Variants in HMGXB3 observed in about 807,000 individuals in gnomAD.
The protein encoded by HMGXB3 is HMG-box containing 3.
A neutral mutation model predicts 121.5 loss-of-function variants in HMGXB3; 45 were observed. That is an observed-to-expected ratio of 0.37 (90% CI 0.29 to 0.47). The LOEUF is 0.47. Ranked by LOEUF, HMGXB3 falls within the 20% of genes least tolerant of loss-of-function variation. HMGXB3 has a pLI of 0.99. For missense variants in HMGXB3, 1,376 were observed against 1,602.2 expected (o/e 0.86, Z 2.41); for synonymous variants, 590 against 624.1 (o/e 0.95, Z 0.81).
In HMGXB3 at chr5:150,053,009, G is replaced by C. The variant is rs1247737140; in HGVS notation, c.*817G>C. The C allele has an allele frequency of 6.1e-6, 1 of 163,530 alleles. No homozygotes were observed. Among genetic ancestry groups the C allele is most frequent in the Non-Finnish European group, 1.3e-5 (1 of 74,516 alleles). The allele number at this position is 163,530 out of a possible 1,614,324, so 10.1% of individuals were successfully genotyped here. On this transcript the variant is annotated 3_prime_UTR_variant, in exon 20 of 20. Coordinates refer to ENST00000502717, the MANE Select transcript of HMGXB3 (RefSeq NM_014983.3). ...GGGCCATAAGGAAACAGCAGGACTG[G>C]CTCAAGTGCCCAAGGTTTGTTTAGG...
At chr5:150,025,124 G>C (rs1457346864) in intron 7 of HMGXB3, among the ~76,000 whole-genome samples, 1 of 152,134 alleles carries the variant, frequency 6.6e-6, no homozygotes, top group Non-Finnish European at 1.5e-5. Flanking sequence ...CTTCACCTCA[G>C]TTCTCTCCTC....
chr5:150,037,615 C>T, intron 13 of HMGXB3, 88 bp downstream of exon 13: 1 of 1,181,084 alleles, frequency 8.5e-7, no homozygotes, highest in African/African-American at 1.6e-5. Context: ...CCTTTGAGGA[C>T]TGGGCCTTCT....
chr5:150,027,841 C>T (rs1756270349), intron 9 of HMGXB3, among the ~76,000 whole-genome samples: 1 of 152,190 alleles, frequency 6.6e-6, no homozygotes, highest in Admixed American at 6.5e-5. Flanking sequence ...GGGTGAGCCA[C>T]CACGCCTGGC....
rs554441183 is a variant in HMGXB3, at chr5:150,032,446, T to A, written c.1834-8T>A. 9.0e-5 allele frequency: 139 copies of A among 1,550,740 alleles called. 3 individuals carry two copies. In the South Asian group the frequency reaches 1.3e-3, roughly 15 times the overall value. On this transcript the variant is annotated splice_polypyrimidine_tract_variant and splice_region_variant and intron_variant, in intron 10 of 19. Transcript: ENST00000502717. ...TTGTAGAATTGAACACTGGTCTTAC[T>A]TTTTTAGGATTTGGGCCTGGCTACA...
intron 6 of HMGXB3, among the ~76,000 whole-genome samples, chr5:150,020,943 A>G (rs1756077525): frequency 6.6e-6 from 1 of 152,018 alleles, no homozygotes; most frequent in Admixed American, 6.6e-5. Context: ...GGATTTCACC[A>G]TGTTGGCCAG....
At position 150,049,575 on chromosome 5, in the gene HMGXB3, C is replaced by T. The variant is rs74627064; in HGVS notation, c.3202-677C>T. On this transcript the variant is annotated intron_variant, in intron 18 of 19. Transcript: ENST00000502717. ...AGATGCTTAATGCTTCTACTCTGGGCAGATCAGAGCCTGCTCAGGGAATTG... is the reference window on the plus strand; with the variant it reads ...AGATGCTTAATGCTTCTACTCTGGGTAGATCAGAGCCTGCTCAGGGAATTG... Among the ~76,000 whole-genome samples the T allele has an allele frequency of 6.6e-3, 998 of 152,310 alleles. 14 individuals carry two copies. The highest frequency in any genetic ancestry group is 0.023 in the African/African-American group (948 of 41,564).
At chr5:150,001,444 C>A (rs1399339943) in intron 1 of HMGXB3, among the ~76,000 whole-genome samples, 2 of 152,194 alleles carry the variant, frequency 1.3e-5, no homozygotes, top group Non-Finnish European at 2.9e-5. Flanking sequence ...TGGCTGAGCC[C>A]TCAAAGGCAA....
At chr5:150,005,202 T>A (rs1755667393) in intron 2 of HMGXB3, among the ~76,000 whole-genome samples, 1 of 152,256 alleles carries the variant, frequency 6.6e-6, no homozygotes, top group African/African-American at 2.4e-5. Flanking sequence ...CAGGAAATTG[T>A]ACCATACTGA....
chr5:150,023,258 G>A (rs1756144287), intron 6 of HMGXB3, among the ~76,000 whole-genome samples: 1 of 152,134 alleles, frequency 6.6e-6, no homozygotes, highest in Admixed American at 6.5e-5. Context: ...TAAACTTTCT[G>A]TAATGTGCAG....
intron 15 of HMGXB3, 107 bp downstream of exon 15, chr5:150,042,076 G>A: frequency 1.2e-6 from 1 of 812,848 alleles, no homozygotes; most frequent in Non-Finnish European, 1.9e-6. Flanking sequence ...TCCTGTCTAG[G>A]TGAGGCAAGT....
chr5:150,034,368 T>C (rs1477396847), intron 11 of HMGXB3, among the ~76,000 whole-genome samples: 2 of 152,220 alleles, frequency 1.3e-5, no homozygotes, highest in Admixed American at 6.5e-5. Context: ...AGTGTGTCTA[T>C]CTGTAATTAG....
chr5:150,021,044 C>G (rs773359598), intron 6 of HMGXB3, among the ~76,000 whole-genome samples: 9 of 152,156 alleles, frequency 5.9e-5, no homozygotes, highest in Non-Finnish European at 1.2e-4. Flanking sequence ...GCCTGAAAAA[C>G]TTTAGAGCCA....
intron 15 of HMGXB3, among the ~76,000 whole-genome samples, chr5:150,044,418 C>T (rs561849598): frequency 1.3e-5 from 2 of 152,166 alleles, no homozygotes; most frequent in Non-Finnish European, 2.9e-5. Context: ...ACTAAGCACC[C>T]CTGTGAGGTG....
chr5:150,018,966 G>A (rs1756021743), intron 6 of HMGXB3, among the ~76,000 whole-genome samples: 1 of 151,726 alleles, frequency 6.6e-6, no homozygotes, highest in Admixed American at 6.6e-5. Flanking sequence ...AATAAGTTCT[G>A]TATCTGTTTT....
At chr5:150,011,337 G>A (rs77389419) in intron 4 of HMGXB3, among the ~76,000 whole-genome samples, 163 of 152,304 alleles carry the variant, frequency 1.1e-3, no homozygotes, top group Admixed American at 1.8e-3. Context: ...CCTAGAAGTG[G>A]AAGTGGAGAG....
chr5:150,016,062 T>A (rs1304290326), intron 5 of HMGXB3, among the ~76,000 whole-genome samples: 2 of 152,200 alleles, frequency 1.3e-5, no homozygotes, highest in Non-Finnish European at 2.9e-5. Context: ...AGAAGGCATC[T>A]GGCCGGGCAC....
chr5:150,027,531 T>C (rs1389226224), intron 9 of HMGXB3, among the ~76,000 whole-genome samples: 11 of 152,200 alleles, frequency 7.2e-5, no homozygotes, highest in Non-Finnish European at 1.2e-4. Context: ...TATGCTTGTT[T>C]GTGTATTTCA....
intron 13 of HMGXB3, 31 bp downstream of exon 13, chr5:150,037,558 A>C (rs1756529653): frequency 1.3e-6 from 2 of 1,481,844 alleles, no homozygotes; most frequent in Non-Finnish European, 1.8e-6. Context: ...CCCTCAGAGC[A>C]TCCCAAAGCA....
Position 150,052,277 on chromosome 5 carries a change from G to A in HMGXB3, c.*85G>A. The A allele has an allele frequency of 9.0e-7, 1 of 1,109,856 alleles. No homozygotes were observed. Among genetic ancestry groups the A allele is most frequent in the East Asian group, 2.6e-5 (1 of 38,602 alleles). The allele number at this position is 1,109,856 out of a possible 1,614,324, so 68.8% of individuals were successfully genotyped here. A position where few individuals can be genotyped will look rare whatever the true frequency, so the allele number is the denominator to read the frequency against. ...GGCAGAGCTATCCAGGGGACCTGCA[G>A]AAGTGGTCTCCTGTGGGGAGGGCCT... On this transcript the variant is annotated 3_prime_UTR_variant, in exon 20 of 20. Transcript: ENST00000502717.
Sources: allele counts gnomAD v4.1 joint callset (sites outside exome capture counted in the v4.1 genomes callset), GRCh38; gene constraint gnomAD v4.1.1; transcripts MANE v1.5; gene names NCBI Gene and HGNC (gene_info 2026-07-23, HGNC 2026-07-21).